Variants in ATP8A2 observed in about 807,000 individuals in gnomAD.
The protein encoded by ATP8A2 is ATPase phospholipid transporting 8A2, also known as phospholipid-transporting ATPase IB.
ATP8A2 carries 100 observed loss-of-function variants against 165.6 expected under a neutral mutation model. The observed-to-expected ratio is 0.60, with a 90% CI of 0.51 to 0.71. The LOEUF (loss-of-function observed/expected upper bound fraction) is 0.71. Among genes scored for constraint, ATP8A2 ranks in the 30% least tolerant of loss-of-function variants. The probability of loss-of-function intolerance (pLI) is 0.00; values close to 1 mark genes in which losing one functional copy is unlikely to be tolerated. For missense variants in ATP8A2, 1,227 were observed against 1,479.5 expected (o/e 0.83, Z 2.80); for synonymous variants, 543 against 548.8 (o/e 0.99, Z 0.15).
intron 15 of ATP8A2, among the ~76,000 whole-genome samples, chr13:25,562,156 C>T (rs183290430): frequency 1.1e-4 from 16 of 152,136 alleles, no homozygotes; most frequent in Admixed American, 4.6e-4. Flanking sequence ...ATTACTGGGT[C>T]GTATGGTAAT....
chr13:25,861,507 T>C (rs1267127144), intron 32 of ATP8A2, among the ~76,000 whole-genome samples: 1 of 152,242 alleles, frequency 6.6e-6, no homozygotes, highest in Admixed American at 6.5e-5. Flanking sequence ...TCTCTCATAG[T>C]GTCATGACCT....
chr13:25,571,487 A>C (rs1490947552), intron 17 of ATP8A2, 123 bp from the exon 18 acceptor site: 2 of 678,668 alleles, frequency 2.9e-6, no homozygotes, highest in African/African-American at 3.6e-5. Context: ...AGTCTTTACT[A>C]TTATGCAGAT....
At chr13:25,909,206 A>G (rs1466125210) in intron 33 of ATP8A2, among the ~76,000 whole-genome samples, 1 of 152,158 alleles carries the variant, frequency 6.6e-6, no homozygotes, top group Non-Finnish European at 1.5e-5. Flanking sequence ...GTCCCCCAAA[A>G]TGATCTTAGT....
intron 1 of ATP8A2, among the ~76,000 whole-genome samples, chr13:25,445,376 CT>C (rs1270268308): frequency 1.3e-5 from 2 of 152,154 alleles, no homozygotes; most frequent in Admixed American, 1.3e-4. Flanking sequence ...CTGGTAGCAC[CT>C]GGCGTTCTCT....
intron 1 of ATP8A2, among the ~76,000 whole-genome samples, chr13:25,387,415 A>G (rs1298012180): frequency 6.6e-6 from 1 of 151,860 alleles, no homozygotes; most frequent in Non-Finnish European, 1.5e-5. Context: ...TTATTGTAGC[A>G]CATTCTAACT....
At chr13:25,480,415 C>T (rs1420618734) in intron 2 of ATP8A2, among the ~76,000 whole-genome samples, 3 of 150,710 alleles carry the variant, frequency 2.0e-5, no homozygotes, top group Non-Finnish European at 4.4e-5. Context: ...GGTTGCCAGG[C>T]GGAGAGTCTC....
At chr13:25,579,767 C>G in intron 21 of ATP8A2, 41 bp from the exon 22 acceptor site, 1 of 1,606,648 alleles carries the variant, frequency 6.2e-7, no homozygotes. Context: ...TAGGAGGTCA[C>G]GCGTTCTGCC....
rs2042897386 is a variant in ATP8A2, at chr13:25,699,183, C to CA, written c.2223dup (p.Ala742SerfsTer8). On this transcript the variant is annotated frameshift_variant, in exon 25 of 37. Transcript: ENST00000381655. LOFTEE classifies it high-confidence loss of function. ...ATACTCTTGTTTCAGGCCACAAGGG[C>CA]AGCCATTACTCAGCACTGCACTGAC... 1 of 1,562,000 alleles carries CA rather than the reference C, an allele frequency of 6.4e-7. No individual in the cohort carries two copies. Among genetic ancestry groups the CA allele is most frequent in the Admixed American group, 1.9e-5 (1 of 52,792 alleles).
intron 30 of ATP8A2, among the ~76,000 whole-genome samples, chr13:25,850,640 G>T (rs1036322871): frequency 6.6e-6 from 1 of 152,158 alleles, no homozygotes; most frequent in African/African-American, 2.4e-5. Context: ...ATTCACTTGA[G>T]ATTTTAAATA....
intron 25 of ATP8A2, among the ~76,000 whole-genome samples, chr13:25,737,459 T>C (rs931631100): frequency 2.6e-5 from 4 of 152,172 alleles, no homozygotes; most frequent in Non-Finnish European, 5.9e-5. Context: ...GCCACCCTTA[T>C]AGAAGAATCC....
Position 25,895,174 on chromosome 13 carries a change from T to C in ATP8A2, c.3183+32766T>C, listed in dbSNP as rs1953496568. On this transcript the variant is annotated intron_variant, in intron 33 of 36. Coordinates refer to ENST00000381655, the MANE Select transcript of ATP8A2 (RefSeq NM_016529.6). ...CAGTATGATATTGGCTGTGGGTTTG[T>C]CATAGATAGCTCTTATTATTTTGAG... is the stretch of plus-strand genomic sequence containing the variant. Among the ~76,000 whole-genome samples, 6 of 152,342 alleles carry C rather than the reference T, an allele frequency of 3.9e-5. No homozygotes were observed. The South Asian group carries it at 1.2e-3, about 32-fold the overall frequency.
intron 2 of ATP8A2, among the ~76,000 whole-genome samples, chr13:25,495,860 AC>A (rs1260090088): frequency 1.3e-5 from 2 of 151,836 alleles, no homozygotes; most frequent in African/African-American, 4.8e-5. Flanking sequence ...TGAGCTGTAC[AC>A]CTCAAGCTGC....
intron 25 of ATP8A2, among the ~76,000 whole-genome samples, chr13:25,762,747 A>G (rs578205150): frequency 6.6e-6 from 1 of 152,348 alleles, no homozygotes; most frequent in South Asian, 2.1e-4. Context: ...GGGATAGAAA[A>G]GAAATGAAAG....
At chr13:25,834,206 A>T (rs573649662) in intron 28 of ATP8A2, among the ~76,000 whole-genome samples, 17 of 152,364 alleles carry the variant, frequency 1.1e-4, no homozygotes, top group African/African-American at 3.8e-4. Flanking sequence ...TTTTTAAAGT[A>T]AGAAGTAACA....
At chr13:25,897,872 GT>G (rs1414881833) in intron 33 of ATP8A2, among the ~76,000 whole-genome samples, 3 of 152,134 alleles carry the variant, frequency 2.0e-5, no homozygotes, top group Non-Finnish European at 2.9e-5. Context: ...TTGTGCCGTG[GT>G]TTTCAGCTCC....
intron 35 of ATP8A2, among the ~76,000 whole-genome samples, chr13:25,984,339 C>T (rs1429212278): frequency 4.6e-5 from 7 of 152,044 alleles, no homozygotes. Flanking sequence ...CCCAGTGGCT[C>T]ATGCCTGTAA....
intron 24 of ATP8A2, among the ~76,000 whole-genome samples, chr13:25,606,261 A>T (rs1378249398): frequency 2.6e-5 from 4 of 152,078 alleles, no homozygotes; most frequent in Non-Finnish European, 4.4e-5. Flanking sequence ...TGCCTTTCCT[A>T]TTTGATGTGC....
intron 1 of ATP8A2, among the ~76,000 whole-genome samples, chr13:25,455,834 C>T (rs755124017): frequency 2.6e-5 from 4 of 152,190 alleles, no homozygotes; most frequent in African/African-American, 9.6e-5. Context: ...ACATCTTATT[C>T]TACTTTCTTG....
At chr13:25,662,742 A>G (rs2042076568) in intron 24 of ATP8A2, among the ~76,000 whole-genome samples, 1 of 152,188 alleles carries the variant, frequency 6.6e-6, no homozygotes. Flanking sequence ...TCCTTGAAAC[A>G]CTATTAGCCG....
Sources: gnomAD v4.1 joint callset for allele counts (sites outside exome capture counted in the v4.1 genomes callset) on GRCh38, gnomAD v4.1.1 for gene constraint, MANE v1.5 for transcripts, NCBI Gene and HGNC (gene_info 2026-07-23, HGNC 2026-07-21) for gene names.